Variants in ARB2A observed in about 807,000 individuals in gnomAD.
The protein encoded by ARB2A is cotranscriptional regulator ARB2A.
At chr5:93,858,661 A>G in the ARB2A span, among the ~76,000 whole-genome samples, 1 of 152,206 alleles carries the variant, frequency 6.6e-6, no homozygotes, top group Non-Finnish European at 1.5e-5. Flanking sequence ...TGGCCTAGGA[A>G]GTAAAATTAA....
chr5:93,676,778 C>T, the ARB2A span, among the ~76,000 whole-genome samples: 5 of 152,158 alleles, frequency 3.3e-5, no homozygotes, highest in Non-Finnish European at 7.4e-5. Flanking sequence ...CAAGAACAAA[C>T]TTTAAGCTCC....
At chr5:93,700,955 A>C in the ARB2A span, among the ~76,000 whole-genome samples, 1 of 152,184 alleles carries the variant, frequency 6.6e-6, no homozygotes, top group South Asian at 2.1e-4. Flanking sequence ...GAAAACGCAG[A>C]GTAAACTTTC....
At chr5:93,728,561 C>G in the ARB2A span, among the ~76,000 whole-genome samples, 1 of 151,182 alleles carries the variant, frequency 6.6e-6, no homozygotes, top group Non-Finnish European at 1.5e-5. Flanking sequence ...AATCAAAAGC[C>G]TGATGGAGAC....
the ARB2A span, among the ~76,000 whole-genome samples, chr5:94,019,890 A>T: frequency 6.6e-6 from 1 of 152,118 alleles, no homozygotes; most frequent in Admixed American, 6.5e-5. Context: ...CTTTTTCTGA[A>T]CCTTCATCAA....
chr5:93,887,536 C>T, the ARB2A span, among the ~76,000 whole-genome samples: 2 of 151,422 alleles, frequency 1.3e-5, no homozygotes, highest in African/African-American at 4.8e-5. Context: ...CAAAGAGTTC[C>T]AAGGATGAAG....
At chr5:93,964,201 T>C in the ARB2A span, among the ~76,000 whole-genome samples, 31 of 152,132 alleles carry the variant, frequency 2.0e-4, no homozygotes, top group East Asian at 5.2e-3. Flanking sequence ...ATCCTTTTAA[T>C]TGAGTCATCA....
the ARB2A span, among the ~76,000 whole-genome samples, chr5:93,742,253 C>G: frequency 1.4e-3 from 207 of 152,200 alleles, 4 homozygotes; most frequent in Admixed American, 0.012. Flanking sequence ...CCTTTTGTTT[C>G]CCATTCTAAC....
chr5:94,009,430 T>G, the ARB2A span, among the ~76,000 whole-genome samples: 1 of 151,988 alleles, frequency 6.6e-6, no homozygotes, highest in South Asian at 2.1e-4. Context: ...AAACAAACAC[T>G]GAGAACTCAT....
the ARB2A span, among the ~76,000 whole-genome samples, chr5:93,844,788 A>G: frequency 5.9e-5 from 9 of 152,132 alleles, no homozygotes; most frequent in East Asian, 1.7e-3. Context: ...TATCACCAAG[A>G]CCCTCACTAC....
chr5:93,908,053 T>G, the ARB2A span, among the ~76,000 whole-genome samples: 1 of 151,226 alleles, frequency 6.6e-6, no homozygotes, highest in Non-Finnish European at 1.5e-5. Context: ...TTAAAATGCA[T>G]TATCATATTT....
the ARB2A span, among the ~76,000 whole-genome samples, chr5:93,782,424 A>G: frequency 2.5e-3 from 385 of 152,292 alleles, 2 homozygotes; most frequent in African/African-American, 8.4e-3. Context: ...TAGCTGGTAC[A>G]TGCTAGATTC....
chr5:94,054,019 T>G, the ARB2A span, among the ~76,000 whole-genome samples: 1 of 152,316 alleles, frequency 6.6e-6, no homozygotes, highest in East Asian at 1.9e-4. Context: ...TCTGCCCACC[T>G]CAGCCTCCCA....
chr5:94,097,643 CAGCCACATGTAACTGTA>C, the ARB2A span, among the ~76,000 whole-genome samples: 4,918 of 152,246 alleles, frequency 0.032, 144 homozygotes, highest in East Asian at 0.14. Context: ...GGGGCCTCCC[CAGCCACATGTAACTGTA>C]AGACCATTAA....
At chr5:94,071,090 G>A in the ARB2A span, among the ~76,000 whole-genome samples, 6 of 152,042 alleles carry the variant, frequency 3.9e-5, no homozygotes, top group Admixed American at 3.3e-4. Flanking sequence ...ACCTGTTGAT[G>A]AATGTTTTTA....
the ARB2A span, chr5:93,743,579 A>C: frequency 1.0e-6 from 1 of 984,748 alleles, no homozygotes; most frequent in Non-Finnish European, 1.2e-6. Context: ...GTATCTGCCA[A>C]ACGGAATGAA....
the ARB2A span, chr5:93,735,931 T>C: frequency 6.6e-6 from 1 of 152,082 alleles, no homozygotes; most frequent in East Asian, 1.9e-4. Context: ...GTAGTGAGTT[T>C]GGTCCAAGAA....
chr5:93,945,414 CAA>C, the ARB2A span, among the ~76,000 whole-genome samples: 7 of 59,926 alleles, frequency 1.2e-4, no homozygotes, highest in Admixed American at 3.7e-4. Context: ...GATTCCATCT[CAA>C]AAAAAAAAAA....
At chr5:93,667,841 C>T in the ARB2A span, among the ~76,000 whole-genome samples, 1 of 152,154 alleles carries the variant, frequency 6.6e-6, no homozygotes, top group Non-Finnish European at 1.5e-5. Flanking sequence ...ATTCATATCA[C>T]AGCTCTTGCA....
At chr5:93,662,138 T>C in the ARB2A span, among the ~76,000 whole-genome samples, 1 of 152,216 alleles carries the variant, frequency 6.6e-6, no homozygotes, top group African/African-American at 2.4e-5. Flanking sequence ...ACAGCAACAT[T>C]ATGAAGTCTA....
Sources: gnomAD v4.1 joint callset for allele counts (sites outside exome capture counted in the v4.1 genomes callset) on GRCh38, gnomAD v4.1.1 for gene constraint, MANE v1.5 for transcripts, NCBI Gene and HGNC (gene_info 2026-07-23, HGNC 2026-07-21) for gene names.